Variants in LOXL2 observed in about 807,000 individuals in gnomAD.
The protein encoded by LOXL2 is lysyl oxidase homolog 2.
In LOXL2, 70 loss-of-function variants were observed where a neutral mutation model predicts 93.0. That is an observed-to-expected ratio of 0.75 (90% CI 0.62 to 0.92). The LOEUF (loss-of-function observed/expected upper bound fraction) is 0.92. LOXL2 is among the 40% of genes least tolerant of loss of function. The probability of loss-of-function intolerance (pLI) is 0.00; values close to 1 mark genes in which losing one functional copy is unlikely to be tolerated. For synonymous variants in LOXL2, 438 were observed against 413.2 expected (o/e 1.06, Z -0.73); for missense variants, 973 against 1,054.9 (o/e 0.92, Z 1.08).
chr8:23,367,505 T>G (rs969715537), intron 2 of LOXL2, among the ~76,000 whole-genome samples: 28 of 152,256 alleles, frequency 1.8e-4, no homozygotes, highest in Admixed American at 5.2e-4. Context: ...GAACTCCACA[T>G]GCCAGGAAGG....
chr8:23,310,302 C>T (rs1159025653), intron 9 of LOXL2, among the ~76,000 whole-genome samples: 1 of 152,166 alleles, frequency 6.6e-6, no homozygotes, highest in Non-Finnish European at 1.5e-5. Context: ...TAATAAAATG[C>T]AAAAACAACA....
rs1563193248 is a variant in LOXL2 at position 23,333,325 on chromosome 8, G to A, written c.966+76C>T. ...GGCCACCCTTCCTCACTCTCCTGGGGGATCCTGCCTACTCCCTCAACACCC... is the reference window on the plus strand; with the variant it reads ...GGCCACCCTTCCTCACTCTCCTGGGAGATCCTGCCTACTCCCTCAACACCC... On this transcript the variant is annotated intron_variant, in intron 5 of 13. Transcript: ENST00000389131. The A allele has an allele frequency of 8.1e-6, 11 of 1,358,820 alleles. No individual in the cohort carries two copies. The Admixed American group carries it at 8.5e-5, about 10-fold the overall frequency. The allele number at this position is 1,358,820 out of a possible 1,614,324, so 84.2% of individuals were successfully genotyped here.
chr8:23,354,179 T>C (rs957242598), intron 3 of LOXL2, among the ~76,000 whole-genome samples: 2 of 152,190 alleles, frequency 1.3e-5, no homozygotes, highest in South Asian at 4.1e-4. Flanking sequence ...GGAATTCCAG[T>C]GCACTCTGGA....
chr8:23,367,964 A>T, intron 2 of LOXL2, 33 bp downstream of exon 2: 1 of 1,565,668 alleles, frequency 6.4e-7, no homozygotes, highest in South Asian at 1.2e-5. Context: ...TTGCCAGGTG[A>T]CAGCACTCAG....
At chr8:23,387,876 G>A (rs990426631) in intron 1 of LOXL2, among the ~76,000 whole-genome samples, 3 of 152,128 alleles carry the variant, frequency 2.0e-5, no homozygotes, top group African/African-American at 7.2e-5. Flanking sequence ...CTTGAACCCG[G>A]AAGGCAGAGG....
rs78758373 is a variant in LOXL2 at position 23,332,897 on chromosome 8, T to C, written c.966+504A>G. ...GCACAGACTCATACACACACCCCCATACACATACACCCCCCCCACAGAGGG... is the reference window on the plus strand; with the variant it reads ...GCACAGACTCATACACACACCCCCACACACATACACCCCCCCCACAGAGGG... On this transcript the variant is annotated intron_variant, in intron 5 of 13. Transcript: ENST00000389131. Among the ~76,000 whole-genome samples the C allele has an allele frequency of 4.9e-3, 634 of 128,250 alleles. 30 individuals carry two copies. In the East Asian group the frequency reaches 0.12, roughly 23 times the overall value. 84.1% of individuals were successfully genotyped at this position (128,250 alleles called of 152,430 possible).
intron 9 of LOXL2, among the ~76,000 whole-genome samples, chr8:23,311,959 G>C (rs1231116840): frequency 6.6e-6 from 1 of 152,136 alleles, no homozygotes; most frequent in African/African-American, 2.4e-5. Flanking sequence ...TAAGGATGAG[G>C]CTAGGGCAAA....
chr8:23,390,639 TC>T (rs1804831153), intron 1 of LOXL2, among the ~76,000 whole-genome samples: 4 of 152,184 alleles, frequency 2.6e-5, no homozygotes, highest in African/African-American at 9.7e-5. Context: ...AGGTACAGTT[TC>T]AAAGACTTTA....
Position 23,328,579 on chromosome 8 carries a change from C to G in LOXL2, c.967-14G>C, listed in dbSNP as rs143725280. 2 of 1,613,038 alleles carry G rather than the reference C, an allele frequency of 1.2e-6. No homozygotes were observed. The highest frequency in any genetic ancestry group is 1.7e-5 in the Admixed American group (1 of 60,028). On this transcript the variant is annotated splice_polypyrimidine_tract_variant and intron_variant, in intron 5 of 13. Coordinates refer to ENST00000389131, the MANE Select transcript of LOXL2 (RefSeq NM_002318.3). ...CACCAGGGGTTGCTGAAGAGACACA[C>G]GGTCCTGCTGAGTACAGACGCTGAT...
chr8:23,342,621 C>T (rs1358515888), intron 3 of LOXL2, among the ~76,000 whole-genome samples: 1 of 152,128 alleles, frequency 6.6e-6, no homozygotes, highest in African/African-American at 2.4e-5. Flanking sequence ...TTAGTAGAGA[C>T]AGGGTTTCAC....
intron 1 of LOXL2, chr8:23,371,090 G>A (rs1269397322): frequency 6.6e-6 from 1 of 152,136 alleles, no homozygotes; most frequent in Non-Finnish European, 1.5e-5. Flanking sequence ...AGAAAGAGCA[G>A]CAGAAAGACT....
In LOXL2 at chr8:23,316,965, T is replaced by A. The variant is rs1341551914; in HGVS notation, c.1620A>T (p.Gly540=). ...CPQGGVQYGA[G]VACSETAPDL... is the part of the protein sequence containing the mutation. ...AGCTCTCACTTTCTGAGCAGGCAAC[T>A]CCGGCCCCGTACTGCACTCCGCCCT... Residue 540 remains glycine (G), a synonymous_variant, in exon 9 of 14, where the codon GGA becomes GGT. Coordinates refer to ENST00000389131, the MANE Select transcript of LOXL2 (RefSeq NM_002318.3). The A allele has an allele frequency of 1.9e-6, 3 of 1,599,920 alleles. No homozygotes were observed. The highest frequency in any genetic ancestry group is 2.6e-6 in the Non-Finnish European group (3 of 1,172,272).
At chr8:23,302,982 G>A (rs977518948) in intron 11 of LOXL2, among the ~76,000 whole-genome samples, 3 of 152,170 alleles carry the variant, frequency 2.0e-5, no homozygotes, top group African/African-American at 4.8e-5. Context: ...ACGCATCAGG[G>A]TCTAGGCTGC....
At chr8:23,311,797 T>G (rs975293367) in intron 9 of LOXL2, among the ~76,000 whole-genome samples, 2 of 152,178 alleles carry the variant, frequency 1.3e-5, no homozygotes, top group African/African-American at 2.4e-5. Context: ...ATTCAGCACA[T>G]AATAATTACT....
At position 23,320,041 on chromosome 8, in the gene LOXL2, G is replaced by A. The variant is rs147141049; in HGVS notation, c.1314C>T (p.Asn438=). 3.2e-5 allele frequency: 51 copies of A among 1,613,764 alleles called. No homozygotes were observed. The highest frequency in any genetic ancestry group is 1.6e-4 in the Middle Eastern group (1 of 6,082). The change falls in exon 8 of 14, where the codon AAC becomes AAT. Residue 438 remains asparagine, a synonymous_variant. Transcript: ENST00000389131. Reference sequence around the variant, plus strand: ...GGCCCTCGTAGGGATTGCGGCCGCCGTTCAGGCGCAGCTGCAGACACAAAG... The same window carrying A: ...GGCCCTCGTAGGGATTGCGGCCGCCATTCAGGCGCAGCTGCAGACACAAAG... The part of the protein sequence containing the change: ...AMGLQKKLRL[N]GGRNPYEGRV...
In LOXL2 at chr8:23,298,829, G is replaced by A. The variant is rs202161957; in HGVS notation, c.2245+7C>T. On this transcript the variant is annotated splice_region_variant and intron_variant, in intron 13 of 13. Transcript: ENST00000389131. ...TGCTTCCTGGAGTGGGGGCGGCCTGGCCTTACCTATGTGGCAGTTGTACAT... is the reference window on the plus strand; with the variant it reads ...TGCTTCCTGGAGTGGGGGCGGCCTGACCTTACCTATGTGGCAGTTGTACAT... 1.1e-4 allele frequency: 177 copies of A among 1,590,334 alleles called. 2 individuals are homozygous for A. In the East Asian group the frequency reaches 3.7e-3, roughly 34 times the overall value.
At chr8:23,307,260 G>GT (rs1295907958) in intron 10 of LOXL2, among the ~76,000 whole-genome samples, 5 of 152,032 alleles carry the variant, frequency 3.3e-5, no homozygotes, top group Non-Finnish European at 5.9e-5. Context: ...ACAGCACCTG[G>GT]AGAAGTCACC....
intron 10 of LOXL2, among the ~76,000 whole-genome samples, chr8:23,304,626 G>A (rs925295471): frequency 3.3e-5 from 5 of 152,182 alleles, no homozygotes; most frequent in Admixed American, 6.5e-5. Flanking sequence ...TCTCGGGGCC[G>A]CAAGATTGAA....
At chr8:23,328,746 T>TGTGTGTGTGTGTGTG (rs1554477861) in intron 5 of LOXL2, 181 bp from the exon 6 acceptor site, 2 of 601,090 alleles carry the variant, frequency 3.3e-6, no homozygotes, top group African/African-American at 2.0e-5. Context: ...TGTGTGTGTG[T>TGTGTGTGTGTGTGTG]CGTGGGTGTG....
Sources: allele counts gnomAD v4.1 joint callset (sites outside exome capture counted in the v4.1 genomes callset), GRCh38; gene constraint gnomAD v4.1.1; transcripts MANE v1.5; gene names NCBI Gene and HGNC (gene_info 2026-07-23, HGNC 2026-07-21).